PCDHGA11: variants seen among roughly 807,000 people sequenced by gnomAD.
PCDHGA11 encodes the protein protocadherin gamma subfamily A, 11.
In PCDHGA11, 39 loss-of-function variants were observed where a neutral mutation model predicts 60.4. That is an observed-to-expected ratio of 0.65 (90% confidence interval 0.50 to 0.84). The LOEUF is 0.84. Among genes scored for constraint, PCDHGA11 ranks in the 40% least tolerant of loss-of-function variants. The pLI, the probability that PCDHGA11 is intolerant of heterozygous loss-of-function variation, is 0.00. For synonymous variants in PCDHGA11, 533 were observed against 510.3 expected (o/e 1.04, Z -0.60); for missense variants, 1,165 against 1,197.7 (o/e 0.97, Z 0.40).
chr5:141,484,334 A>G (rs988395353), intron 1 of PCDHGA11, among the ~76,000 whole-genome samples: 3 of 152,192 alleles, frequency 2.0e-5, no homozygotes, highest in East Asian at 1.9e-4. Context: ...CTTGAAATCA[A>G]TGAATGGTAA....
Position 141,490,916 on chromosome 5 carries a change from A to C in PCDHGA11, c.2434-3891A>C. 1 of 1,613,724 alleles carries C rather than the reference A, an allele frequency of 6.2e-7. No homozygotes were observed. Among genetic ancestry groups the C allele is most frequent in the Non-Finnish European group, 8.5e-7 (1 of 1,179,736 alleles). ...CATGTGTTTGTCCTAGACGAGAATG[A>C]TAATGCCCCAGCTGTGCTGCACCCA... is the stretch of plus-strand genomic sequence containing the variant. On this transcript the variant is annotated intron_variant, in intron 1 of 3. Transcript: ENST00000398587. This position sits in a 1 kb window ranked among gnomAD's most constrained non-coding sequence, Gnocchi z 5.4.
Position 141,421,060 on chromosome 5 carries a change from A to C in PCDHGA11, c.-168A>C, listed in dbSNP as rs1394861719. On this transcript the variant is annotated 5_prime_UTR_variant, in exon 1 of 4. Coordinates refer to ENST00000398587, the MANE Select transcript of PCDHGA11 (RefSeq NM_018914.3). ...TCCCTCCCCCGCCTCTACCACACAAAGCGGAATGAGATGGATACTCACAGA... is the reference window on the plus strand; with the variant it reads ...TCCCTCCCCCGCCTCTACCACACAACGCGGAATGAGATGGATACTCACAGA... 5.2e-6 allele frequency: 3 copies of C among 579,718 alleles called. No homozygotes were observed. Among genetic ancestry groups the C allele is most frequent in the Non-Finnish European group, 8.8e-6 (3 of 340,214 alleles). 35.9% of individuals were successfully genotyped at this position (579,718 alleles called of 1,614,324 possible). A position where few individuals can be genotyped will look rare whatever the true frequency, so the allele number is the denominator to read the frequency against.
At chr5:141,499,438 G>A (rs2154592492) in intron 2 of PCDHGA11, among the ~76,000 whole-genome samples, 1 of 152,158 alleles carries the variant, frequency 6.6e-6, no homozygotes, top group Admixed American at 6.5e-5. Context: ...AAAATTAAAA[G>A]GAAAACCACC....
chr5:141,439,618 C>T (rs964445098), intron 1 of PCDHGA11, among the ~76,000 whole-genome samples: 2 of 152,178 alleles, frequency 1.3e-5, no homozygotes, highest in East Asian at 3.8e-4. Context: ...GATAAATGAG[C>T]CAATCCCCAG....
At chr5:141,506,382 G>T (rs1311307230) in intron 3 of PCDHGA11, among the ~76,000 whole-genome samples, 1 of 151,500 alleles carries the variant, frequency 6.6e-6, no homozygotes, top group East Asian at 1.9e-4. Flanking sequence ...CTGGGAGGTG[G>T]CTGTGGTGAG....
chr5:141,478,106 G>A (rs1474192496), intron 1 of PCDHGA11: 1 of 1,613,928 alleles, frequency 6.2e-7, no homozygotes, highest in Non-Finnish European at 8.5e-7. Context: ...TACCCTCACT[G>A]TGTCAGTAAC....
chr5:141,458,350 A>C (rs1259508706), intron 1 of PCDHGA11, among the ~76,000 whole-genome samples: 1 of 152,162 alleles, frequency 6.6e-6, no homozygotes, highest in East Asian at 1.9e-4. Flanking sequence ...GGAGAGTTTA[A>C]TAAGCAAGAA....
At position 141,491,834 on chromosome 5, in the gene PCDHGA11, C is replaced by T; in HGVS notation, c.2434-2973C>T. 6 of 1,473,830 alleles carry T rather than the reference C, an allele frequency of 4.1e-6. No homozygotes were observed. The highest frequency in any genetic ancestry group is 5.4e-6 in the Non-Finnish European group (6 of 1,112,366). The allele number at this position is 1,473,830 out of a possible 1,614,324, so 91.3% of individuals were successfully genotyped here. ...CGCTGGCTGCGCTCCACCCGATTCTCGGGATCATTGGACCGTTTGCGCGAA... is the reference window on the plus strand; with the variant it reads ...CGCTGGCTGCGCTCCACCCGATTCTTGGGATCATTGGACCGTTTGCGCGAA... On this transcript the variant is annotated intron_variant, in intron 1 of 3. Transcript: ENST00000398587. This position sits in a 1 kb window ranked among gnomAD's most constrained non-coding sequence, Gnocchi z 6.9.
chr5:141,444,364 T>C (rs1191889941), intron 1 of PCDHGA11, among the ~76,000 whole-genome samples: 2 of 151,718 alleles, frequency 1.3e-5, no homozygotes, highest in Admixed American at 1.3e-4. Context: ...AGAGACGGGG[T>C]TTCTCCATGT....
At chr5:141,441,818 TG>T in intron 1 of PCDHGA11, 1 of 359,922 alleles carries the variant, frequency 2.8e-6, no homozygotes, top group Non-Finnish European at 5.5e-6. Flanking sequence ...ACCCCAGCTC[TG>T]GAGCGCAATG....
chr5:141,429,896 A>G (rs1307950556), intron 1 of PCDHGA11, among the ~76,000 whole-genome samples: 1 of 152,346 alleles, frequency 6.6e-6, no homozygotes, highest in South Asian at 2.1e-4. Flanking sequence ...TGAACAATAA[A>G]TATTTTTGAA....
Position 141,487,642 on chromosome 5 carries a change from G to A in PCDHGA11, c.2434-7165G>A, listed in dbSNP as rs747328649. 1.2e-6 allele frequency: 2 copies of A among 1,614,130 alleles called. No individual in the cohort carries two copies. The highest frequency in any genetic ancestry group is 1.3e-5 in the African/African-American group (1 of 75,062). On this transcript the variant is annotated intron_variant, in intron 1 of 3. Transcript: ENST00000398587. This position sits in a 1 kb window ranked among gnomAD's most constrained non-coding sequence, Gnocchi z 5.0. ...TGAGACCTTTGCAGGCTCAACAAAT[G>A]CTTGAGGGTTATTCTGATCCAGGCA...
At chr5:141,427,924 G>A (rs1440880400) in intron 1 of PCDHGA11, 8 of 1,580,024 alleles carry the variant, frequency 5.1e-6, no homozygotes, top group East Asian at 2.2e-5. Context: ...ATGAGCCGGC[G>A]CATGTTGGTG....
Position 141,489,090 on chromosome 5 carries a change from C to CAAA in PCDHGA11, c.2434-5717_2434-5716insAAA. ...CCTGCCCACCCCCGCCACTCGGTGA[C>CAAA]TAAGAACTGCTGCAAGCAGGCAAAC... is the stretch of plus-strand genomic sequence containing the variant. On this transcript the variant is annotated intron_variant, in intron 1 of 3. Transcript: ENST00000398587. The surrounding 1 kb of genome is among the most constrained non-coding windows in gnomAD (Gnocchi z 4.5). 7 of 328,768 alleles carry CAAA rather than the reference C, an allele frequency of 2.1e-5. No homozygotes were observed. The highest frequency in any genetic ancestry group is 6.1e-5 in the Admixed American group (1 of 16,494). The allele number at this position is 328,768 out of a possible 1,614,324, so 20.4% of individuals were successfully genotyped here. A position where few individuals can be genotyped will look rare whatever the true frequency, so the allele number is the denominator to read the frequency against.
chr5:141,498,656 G>A (rs2154592341), intron 2 of PCDHGA11, among the ~76,000 whole-genome samples: 1 of 152,336 alleles, frequency 6.6e-6, no homozygotes, highest in Non-Finnish European at 1.5e-5. Context: ...ACCTGGCCAG[G>A]TGTGGTGGCT....
chr5:141,450,569 T>G (rs1325535745), intron 1 of PCDHGA11, among the ~76,000 whole-genome samples: 1 of 149,800 alleles, frequency 6.7e-6, no homozygotes, highest in African/African-American at 2.5e-5. Flanking sequence ...TCACTGCAAC[T>G]TCTGCCTCCC....
rs759356451 is a variant in PCDHGA11, at chr5:141,476,397, G to C, written c.2434-18410G>C. On this transcript the variant is annotated intron_variant, in intron 1 of 3. Transcript: ENST00000398587. The surrounding 1 kb of genome is among the most constrained non-coding windows in gnomAD (Gnocchi z 7.6). ...ATGTTTGTGAACGACCGTCTGGATC[G>C]AGAGGAGCTGTGTGGGACACTGCCC... The C allele has an allele frequency of 6.2e-7, 1 of 1,614,142 alleles. No individual in the cohort carries two copies. The highest frequency in any genetic ancestry group is 8.5e-7 in the Non-Finnish European group (1 of 1,180,036).
At chr5:141,446,461 A>G (rs1273508266) in intron 1 of PCDHGA11, among the ~76,000 whole-genome samples, 1 of 151,298 alleles carries the variant, frequency 6.6e-6, no homozygotes, top group Non-Finnish European at 1.5e-5. Flanking sequence ...TCAGTGTGTG[A>G]TTAGACATAT....
At chr5:141,504,502 G>A (rs2099838821) in intron 2 of PCDHGA11, among the ~76,000 whole-genome samples, 1 of 152,128 alleles carries the variant, frequency 6.6e-6, no homozygotes, top group Non-Finnish European at 1.5e-5. Context: ...CCCAGTCTGA[G>A]TGGATCTCCT....
Sources: gnomAD v4.1 joint callset for allele counts (sites outside exome capture counted in the v4.1 genomes callset) on GRCh38, gnomAD v4.1.1 for gene constraint, Gnocchi (gnomAD v3.1) non-coding constraint, MANE v1.5 for transcripts, NCBI Gene and HGNC (gene_info 2026-07-23, HGNC 2026-07-21) for gene names.